The following PPFIBP1 variants were observed in gnomAD, a reference collection of about 807,000 sequenced individuals.
PPFIBP1 encodes PPFIB scaffold protein 1.
PPFIBP1 carries 112 observed loss-of-function variants against 137.8 expected under a neutral mutation model. The observed-to-expected ratio is 0.81, with a 90% CI of 0.70 to 0.95. The LOEUF is 0.95. Among genes scored for constraint, PPFIBP1 ranks in the 40% least tolerant of loss-of-function variants. PPFIBP1 has a pLI of 0.00. For synonymous variants in PPFIBP1, 378 were observed against 417.3 expected, an observed-to-expected ratio of 0.91 and a Z score of 1.15; for missense variants, 1,083 against 1,196.6, an observed-to-expected ratio of 0.91 and a Z score of 1.40.
chr12:27,552,711 C>T (rs1441209252), intron 1 of PPFIBP1: 1 of 152,158 alleles, frequency 6.6e-6, no homozygotes, highest in Non-Finnish European at 1.5e-5. Flanking sequence ...TTCAATGATA[C>T]TTGTTAAAGC....
At chr12:27,606,336 G>A (rs2054518550) in intron 2 of PPFIBP1, among the ~76,000 whole-genome samples, 1 of 34,096 alleles carries the variant, frequency 2.9e-5, no homozygotes. Context: ...GGGGGAGGAT[G>A]AGTTCTCATG....
chr12:27,571,474 AT>A lies in PPFIBP1; in HGVS notation c.-123-6669del, dbSNP rs956584498. ...GGGGAGGAGATGAACCCACCAATCC[AT>A]TTTTTTTTCCCTCAAACACACATGA... On this transcript the variant is annotated intron_variant, in intron 1 of 29. Transcript: ENST00000228425. Among the ~76,000 whole-genome samples the A allele has an allele frequency of 2.5e-4, 38 of 150,694 alleles. 1 individual carries two copies. The highest frequency in any genetic ancestry group is 9.7e-4 in the East Asian group (5 of 5,144).
chr12:27,535,571 T>A (rs1045741138), intron 1 of PPFIBP1, among the ~76,000 whole-genome samples: 2 of 103,342 alleles, frequency 1.9e-5, no homozygotes, highest in Non-Finnish European at 4.6e-5. Flanking sequence ...TGCCTGGCAA[T>A]TTTTTTTTGT....
chr12:27,674,741 C>T (rs2060399149), intron 17 of PPFIBP1, among the ~76,000 whole-genome samples: 1 of 152,016 alleles, frequency 6.6e-6, no homozygotes, highest in Admixed American at 6.6e-5. Flanking sequence ...ACACCCGGTG[C>T]CCATCTAAAG....
At chr12:27,597,009 A>C (rs2053389413) in intron 2 of PPFIBP1, among the ~76,000 whole-genome samples, 1 of 152,186 alleles carries the variant, frequency 6.6e-6, no homozygotes, top group East Asian at 1.9e-4. Flanking sequence ...GAATTGATCC[A>C]GGCCGAAATA....
chr12:27,596,586 A>AT (rs1565840011), intron 2 of PPFIBP1, among the ~76,000 whole-genome samples: 2 of 152,158 alleles, frequency 1.3e-5, no homozygotes, highest in Non-Finnish European at 2.9e-5. Context: ...CAATGATGCC[A>AT]TCATAACTCA....
At chr12:27,620,871 C>A (rs2056280819) in intron 2 of PPFIBP1, among the ~76,000 whole-genome samples, 1 of 152,214 alleles carries the variant, frequency 6.6e-6, no homozygotes. Flanking sequence ...ATCACCTTCT[C>A]ACCTGCTATA....
At chr12:27,637,124 T>C (rs927530690) in intron 4 of PPFIBP1, 1 of 152,240 alleles carries the variant, frequency 6.6e-6, no homozygotes, top group African/African-American at 2.4e-5. Context: ...CATTTTCTTA[T>C]GTGCAATGTG....
chr12:27,549,146 A>G (rs960407349), intron 1 of PPFIBP1: 30 of 152,334 alleles, frequency 2.0e-4, no homozygotes, highest in African/African-American at 6.7e-4. Flanking sequence ...ATCAGATGAG[A>G]AGGAAATTAA....
intron 1 of PPFIBP1, among the ~76,000 whole-genome samples, chr12:27,526,652 G>A (rs762550203): frequency 6.6e-6 from 1 of 152,080 alleles, no homozygotes; most frequent in Non-Finnish European, 1.5e-5. Flanking sequence ...TGGCTAACAT[G>A]GTGAAACCCC....
chr12:27,681,673 G>A lies in PPFIBP1; in HGVS notation c.2023G>A (p.Ala675Thr), dbSNP rs2060881678. The change falls in exon 22 of 30, where the codon GCT becomes ACT. Residue 675 changes from alanine (A) to threonine (T), a missense_variant. Ala to Thr is a moderately conservative substitution (Grantham distance 58). Coordinates refer to ENST00000228425, the MANE Select transcript of PPFIBP1 (RefSeq NM_003622.4). ...TGCATCTGGCCAAACGCTTTTGCAG[G>A]CTTCTCAACAAGATCTAGAGAAGGT... ...WIASGQTLLQ[A>T]SQQDLEKELG... 1 of 1,614,016 alleles carries A rather than the reference G, an allele frequency of 6.2e-7. No homozygotes were observed. Among genetic ancestry groups the A allele is most frequent in the African/African-American group, 1.3e-5 (1 of 74,922 alleles).
intron 17 of PPFIBP1, among the ~76,000 whole-genome samples, chr12:27,675,609 A>G (rs1359649268): frequency 6.6e-6 from 1 of 152,234 alleles, no homozygotes; most frequent in East Asian, 1.9e-4. Flanking sequence ...TGGTGCTGGG[A>G]AAATTAGATA....
chr12:27,581,851 C>A (rs1050870728), intron 2 of PPFIBP1, among the ~76,000 whole-genome samples: 9 of 151,606 alleles, frequency 5.9e-5, no homozygotes, highest in East Asian at 1.9e-4. Context: ...GTTTTCTTTT[C>A]CATTTTTTTT....
intron 1 of PPFIBP1, among the ~76,000 whole-genome samples, chr12:27,526,015 A>C (rs1943708007): frequency 6.6e-6 from 1 of 152,364 alleles, no homozygotes; most frequent in Middle Eastern, 3.4e-3. Context: ...ATGGCTCTGC[A>C]ATAATGGTGA....
At chr12:27,557,788 G>A (rs2048824168) in intron 1 of PPFIBP1, among the ~76,000 whole-genome samples, 1 of 152,154 alleles carries the variant, frequency 6.6e-6, no homozygotes, top group Admixed American at 6.5e-5. Flanking sequence ...CCTCCCTATA[G>A]GGGTTTTATA....
intron 8 of PPFIBP1, among the ~76,000 whole-genome samples, chr12:27,656,267 T>A (rs1565951729): frequency 6.6e-6 from 1 of 152,226 alleles, no homozygotes; most frequent in Non-Finnish European, 1.5e-5. Context: ...ACACTAAGTA[T>A]CTAATTTGAT....
intron 2 of PPFIBP1, among the ~76,000 whole-genome samples, chr12:27,598,151 G>T (rs1354504029): frequency 6.6e-6 from 1 of 152,178 alleles, no homozygotes; most frequent in South Asian, 2.1e-4. Flanking sequence ...TATTTGTAGA[G>T]ATACTGTATT....
intron 1 of PPFIBP1, among the ~76,000 whole-genome samples, chr12:27,553,196 A>T (rs1428359802): frequency 6.6e-6 from 1 of 152,150 alleles, no homozygotes; most frequent in African/African-American, 2.4e-5. Flanking sequence ...GGTGACTGAA[A>T]ATAAAGACGA....
chr12:27,689,948 T>G (rs1183523615), intron 27 of PPFIBP1, among the ~76,000 whole-genome samples: 1 of 152,188 alleles, frequency 6.6e-6, no homozygotes, highest in African/African-American at 2.4e-5. Context: ...AGTGAGTGAT[T>G]ACTGGGCGTC....
Sources: allele counts gnomAD v4.1 joint callset (sites outside exome capture counted in the v4.1 genomes callset), GRCh38; gene constraint gnomAD v4.1.1; transcripts MANE v1.5; gene names NCBI Gene and HGNC (gene_info 2026-07-23, HGNC 2026-07-21).